Variants in TMEM185A observed in about 807,000 individuals in gnomAD.
The protein encoded by TMEM185A is transmembrane protein 185A.
TMEM185A carries 9 observed loss-of-function variants against 25.0 expected under a neutral mutation model. The ratio of observed to expected loss-of-function variants is 0.36; its 90% confidence interval spans 0.22 to 0.63. The LOEUF is 0.63. TMEM185A is among the 20% of genes least tolerant of loss of function. TMEM185A has a pLI of 0.68. For synonymous variants in TMEM185A, 45 were observed against 93.5 expected (o/e 0.48, Z 2.99); for missense variants, 103 against 237.4 (o/e 0.43, Z 3.72).
intron 1 of TMEM185A, among the ~76,000 whole-genome samples, chrX:149,629,994 T>C (rs919635932): frequency 9.0e-6 from 1 of 111,633 alleles, no homozygotes; most frequent in Non-Finnish European, 1.9e-5. Context: ...CACAAAACAA[T>C]TCAGTTTTTA....
At chrX:149,619,215 A>G (rs2090126550) in intron 1 of TMEM185A, among the ~76,000 whole-genome samples, 1 of 112,108 alleles carries the variant, frequency 8.9e-6, no homozygotes, top group South Asian at 3.7e-4. Context: ...TGAGTTATAA[A>G]GATCTTTCAA....
intron 3 of TMEM185A, among the ~76,000 whole-genome samples, chrX:149,604,602 A>G (rs1183548203): frequency 9.0e-6 from 1 of 110,873 alleles, no homozygotes; most frequent in African/African-American, 3.3e-5. Context: ...TTCTCATTAA[A>G]AACAAAAGCC....
intron 4 of TMEM185A, chrX:149,601,502 A>G (rs2090017531): frequency 1.0e-5 from 1 of 97,680 alleles, no homozygotes; most frequent in Non-Finnish European, 2.0e-5. Flanking sequence ...CTTTATGTAG[A>G]TGGCATCGCG....
chrX:149,628,957 G>A (rs1205312473), intron 1 of TMEM185A, among the ~76,000 whole-genome samples: 1 of 112,033 alleles, frequency 8.9e-6, no homozygotes, highest in Admixed American at 9.4e-5. Flanking sequence ...TTCCAAGTAT[G>A]CAGGCTACGA....
At position 149,597,221 on chromosome X, in the gene TMEM185A, G is replaced by GGC. The variant is rs1491458893; in HGVS notation, c.*789_*790insGC. 1 of 21,629 alleles carries GGC rather than the reference G, an allele frequency of 4.6e-5. No individual in the cohort carries two copies. Among genetic ancestry groups the GGC allele is most frequent in the Non-Finnish European group, 1.2e-4 (1 of 8,596 alleles). The allele number at this position is 21,629 out of a possible 1,213,427, so 1.8% of individuals were successfully genotyped here. A position where few individuals can be genotyped will look rare whatever the true frequency, so the allele number is the denominator to read the frequency against. On this transcript the variant is annotated 3_prime_UTR_variant, in exon 7 of 7. Transcript: ENST00000600449. ...GTCCCATGAAGGCGTGGCACCCCAC[G>GGC]GGGGGGGGGGGAGTGTGCCACGGGC...
chrX:149,611,738 GA>G, intron 1 of TMEM185A, among the ~76,000 whole-genome samples: 1 of 112,077 alleles, frequency 8.9e-6, no homozygotes, highest in African/African-American at 3.2e-5. Flanking sequence ...TGAGAGCTTG[GA>G]AGAGGAAATA....
chrX:149,624,398 G>C (rs1488478458), intron 1 of TMEM185A, among the ~76,000 whole-genome samples: 1 of 112,358 alleles, frequency 8.9e-6, no homozygotes, highest in African/African-American at 3.2e-5. Flanking sequence ...CTTAGCAAAG[G>C]AATGATGACT....
chrX:149,609,841 T>C (rs781969344), intron 2 of TMEM185A, among the ~76,000 whole-genome samples: 3 of 112,480 alleles, frequency 2.7e-5, no homozygotes, highest in Non-Finnish European at 3.8e-5. Flanking sequence ...AAAGAGAAGT[T>C]TGAATATATT....
intron 2 of TMEM185A, among the ~76,000 whole-genome samples, chrX:149,609,387 C>T (rs1435677796): frequency 1.8e-5 from 2 of 112,597 alleles, no homozygotes; most frequent in African/African-American, 3.2e-5. Context: ...GCAAATAAAA[C>T]GTATAAATGA....
chrX:149,619,980 G>C (rs2090131775), intron 1 of TMEM185A, among the ~76,000 whole-genome samples: 1 of 111,417 alleles, frequency 9.0e-6, no homozygotes, highest in African/African-American at 3.3e-5. Context: ...TAAAAAGTCA[G>C]GAAACAACAG....
chrX:149,610,793 G>A (rs782625891), intron 2 of TMEM185A, among the ~76,000 whole-genome samples: 3 of 111,623 alleles, frequency 2.7e-5, no homozygotes, highest in Non-Finnish European at 5.6e-5. Flanking sequence ...TCCAATCTTT[G>A]ACTTTCCTCA....
chrX:149,607,900 G>A (rs2090060674), intron 3 of TMEM185A, among the ~76,000 whole-genome samples: 1 of 111,666 alleles, frequency 9.0e-6, no homozygotes, highest in African/African-American at 3.3e-5. Context: ...TAGCATGGGT[G>A]GGCCTCATGC....
At chrX:149,611,574 C>A in intron 1 of TMEM185A, 111 bp from the exon 2 acceptor site, 1 of 690,829 alleles carries the variant, frequency 1.4e-6, no homozygotes, top group Non-Finnish European at 2.2e-6. Flanking sequence ...GTCACTAACT[C>A]AATAATCATT....
At chrX:149,621,998 T>C (rs782563492) in intron 1 of TMEM185A, among the ~76,000 whole-genome samples, 2 of 112,004 alleles carry the variant, frequency 1.8e-5, no homozygotes, top group South Asian at 3.7e-4. Flanking sequence ...GATGTGGACA[T>C]ACTTGGGGGC....
At chrX:149,615,565 A>T (rs1199038276) in intron 1 of TMEM185A, among the ~76,000 whole-genome samples, 1 of 111,650 alleles carries the variant, frequency 9.0e-6, no homozygotes, top group Admixed American at 9.5e-5. Context: ...TAAGTAATCT[A>T]AAAAAAAGCT....
intron 1 of TMEM185A, among the ~76,000 whole-genome samples, chrX:149,629,740 A>T (rs782739193): frequency 3.6e-5 from 4 of 112,278 alleles, no homozygotes; most frequent in African/African-American, 1.3e-4. Flanking sequence ...AAAGGGCTAA[A>T]GGAAAAAACG....
At chrX:149,629,317 A>C (rs1557356365) in intron 1 of TMEM185A, among the ~76,000 whole-genome samples, 1 of 111,642 alleles carries the variant, frequency 9.0e-6, no homozygotes, top group Non-Finnish European at 1.9e-5. Flanking sequence ...GCAAAGCAGT[A>C]GCATCAAGGT....
At chrX:149,617,385 C>T (rs782580024) in intron 1 of TMEM185A, among the ~76,000 whole-genome samples, 1 of 111,399 alleles carries the variant, frequency 9.0e-6, no homozygotes. Context: ...AGGACTTTTA[C>T]AACTAAAAAA....
chrX:149,605,379 A>G (rs34177999), intron 3 of TMEM185A, among the ~76,000 whole-genome samples: 981 of 52,536 alleles, frequency 0.019, 1 homozygote, highest in Non-Finnish European at 0.025. Context: ...CACTTTCTAT[A>G]GCCTCCCATG....
Sources: gnomAD v4.1 joint callset for allele counts (sites outside exome capture counted in the v4.1 genomes callset) on GRCh38, gnomAD v4.1.1 for gene constraint, MANE v1.5 for transcripts, NCBI Gene and HGNC (gene_info 2026-07-23, HGNC 2026-07-21) for gene names.